Variants in MAGI2 observed in about 807,000 individuals in gnomAD.
MAGI2 encodes the protein membrane associated guanylate kinase, WW and PDZ domain containing 2.
In MAGI2, 35 loss-of-function variants were observed where a neutral mutation model predicts 133.3. The ratio of observed to expected loss-of-function variants is 0.26; its 90% CI spans 0.20 to 0.35. The LOEUF is 0.35. Ranked by LOEUF, MAGI2 falls within the 10% of genes least tolerant of loss-of-function variation. MAGI2 has a pLI of 1.00. For missense variants in MAGI2, 1,636 were observed against 1,863.4 expected, an observed-to-expected ratio of 0.88 and a Z score of 2.25; for synonymous variants, 729 against 710.6, an observed-to-expected ratio of 1.03 and a Z score of -0.41.
At chr7:78,311,010 A>T (rs1216644739) in intron 9 of MAGI2, among the ~76,000 whole-genome samples, 5 of 152,228 alleles carry the variant, frequency 3.3e-5, no homozygotes, top group African/African-American at 9.6e-5. Context: ...ATGATGACTT[A>T]CCATGTGACA....
At chr7:78,502,800 A>T (rs757092218) in intron 4 of MAGI2, among the ~76,000 whole-genome samples, 34 of 152,320 alleles carry the variant, frequency 2.2e-4, no homozygotes, top group Admixed American at 9.2e-4. Context: ...GACAGACCCA[A>T]GATCCCCAAC....
chr7:79,432,889 T>C (rs1004932696), intron 1 of MAGI2, among the ~76,000 whole-genome samples: 36 of 152,014 alleles, frequency 2.4e-4, no homozygotes, highest in African/African-American at 8.2e-4. Context: ...CATGGGGAGA[T>C]TAAGGAGAAA....
At position 78,070,174 on chromosome 7, in the gene MAGI2, C is replaced by CATATATAT. The variant is rs57714371; in HGVS notation, c.3706+8765_3706+8772dup. On this transcript the variant is annotated intron_variant, in intron 21 of 21. Coordinates refer to ENST00000354212, the MANE Select transcript of MAGI2 (RefSeq NM_012301.4). Reference sequence around the variant, plus strand: ...ACACACATATATATACACACACACACATATATATATATATATATATATATA... The same window carrying CATATATAT: ...ACACACATATATATACACACACACACATATATATATATATATATATATATATATATATA... 3.8e-3 allele frequency among the ~76,000 whole-genome samples: 212 copies of CATATATAT among 56,470 alleles called. 3 individuals are homozygous for CATATATAT. The highest frequency in any genetic ancestry group is 0.01 in the South Asian group (14 of 1,358). The allele number at this position is 56,470 out of a possible 152,430, so 37.0% of individuals were successfully genotyped here.
chr7:78,158,910 T>C (rs117731752), intron 16 of MAGI2, among the ~76,000 whole-genome samples: 19,200 of 151,984 alleles, frequency 0.13, 1,231 homozygotes, highest in East Asian at 0.17. Flanking sequence ...TTTGCAGACC[T>C]TGCACTCAGT....
rs183838456 is a variant in MAGI2, at chr7:78,478,256, T to C, written c.1045+11505A>G. The stretch of plus-strand genomic sequence containing the variant: ...GAATTATGGTTTCCAGCATCATCCA[T>C]GTCCCTGCAAAGAACATGAACTCAT... On this transcript the variant is annotated intron_variant, in intron 6 of 21. Coordinates refer to ENST00000354212, the MANE Select transcript of MAGI2 (RefSeq NM_012301.4). Among the ~76,000 whole-genome samples the C allele has an allele frequency of 3.3e-3, 507 of 152,054 alleles. 6 individuals carry two copies. The highest frequency in any genetic ancestry group is 0.011 in the African/African-American group (472 of 41,532).
At chr7:78,029,233 A>T (rs572823018) in intron 21 of MAGI2, among the ~76,000 whole-genome samples, 1 of 152,230 alleles carries the variant, frequency 6.6e-6, no homozygotes, top group East Asian at 1.9e-4. Context: ...AGGTTAGGAA[A>T]CTCAGGTCTA....
chr7:78,323,927 T>C (rs868170200), intron 9 of MAGI2, among the ~76,000 whole-genome samples: 1 of 152,160 alleles, frequency 6.6e-6, no homozygotes, highest in Non-Finnish European at 1.5e-5. Context: ...CTGGGGCATA[T>C]AGCAGGGAAA....
chr7:79,363,180 C>G (rs977133080), intron 1 of MAGI2, among the ~76,000 whole-genome samples: 4 of 151,108 alleles, frequency 2.6e-5, no homozygotes, highest in Non-Finnish European at 5.9e-5. Context: ...AAATTTAAAA[C>G]AGTACAATTT....
chr7:78,911,654 A>C (rs1416632711), intron 2 of MAGI2, among the ~76,000 whole-genome samples: 1 of 121,032 alleles, frequency 8.3e-6, no homozygotes, highest in Non-Finnish European at 1.6e-5. Context: ...AATTATAAAA[A>C]ATTATGTGTG....
At chr7:78,291,198 GAAGAA>G (rs1467317305) in intron 9 of MAGI2, among the ~76,000 whole-genome samples, 3 of 151,860 alleles carry the variant, frequency 2.0e-5, no homozygotes, top group African/African-American at 7.3e-5. Flanking sequence ...GACTAATAAA[GAAGAA>G]AAGAGAGAAG....
chr7:79,439,143 T>C (rs889637824), intron 1 of MAGI2, among the ~76,000 whole-genome samples: 1 of 152,092 alleles, frequency 6.6e-6, no homozygotes, highest in Non-Finnish European at 1.5e-5. Context: ...GGTCACACTC[T>C]TCTCTCTGCT....
chr7:78,853,193 T>C (rs1158549118), intron 2 of MAGI2, among the ~76,000 whole-genome samples: 1 of 151,832 alleles, frequency 6.6e-6, no homozygotes, highest in Admixed American at 6.6e-5. Flanking sequence ...CATTTTGTGG[T>C]TGTGAGGAAC....
At chr7:78,308,458 G>T (rs981301290) in intron 9 of MAGI2, among the ~76,000 whole-genome samples, 2 of 152,090 alleles carry the variant, frequency 1.3e-5, no homozygotes, top group Admixed American at 6.6e-5. Flanking sequence ...TTTAGTAGGG[G>T]CTTAGAGCAA....
At chr7:78,867,209 T>G (rs1584213645) in intron 2 of MAGI2, among the ~76,000 whole-genome samples, 4 of 151,354 alleles carry the variant, frequency 2.6e-5, no homozygotes, top group South Asian at 2.1e-4. Context: ...CAAAGGACTA[T>G]AAATCATGCT....
intron 6 of MAGI2, among the ~76,000 whole-genome samples, chr7:78,446,881 C>T (rs1031380637): frequency 6.6e-6 from 1 of 151,998 alleles, no homozygotes; most frequent in African/African-American, 2.4e-5. Flanking sequence ...GTTACTAAAC[C>T]CATCTAAGTT....
At chr7:79,438,560 A>G (rs1848296920) in intron 1 of MAGI2, among the ~76,000 whole-genome samples, 1 of 152,066 alleles carries the variant, frequency 6.6e-6, no homozygotes. Flanking sequence ...TTTCCCCTGT[A>G]CAGTAAATTT....
chr7:78,399,607 C>T (rs911494458), intron 6 of MAGI2, among the ~76,000 whole-genome samples: 2 of 151,996 alleles, frequency 1.3e-5, no homozygotes, highest in Non-Finnish European at 2.9e-5. Flanking sequence ...CAGTTCCAGA[C>T]CACCCTGGCC....
At chr7:79,312,624 C>CCT (rs993993796) in intron 1 of MAGI2, among the ~76,000 whole-genome samples, 8 of 151,228 alleles carry the variant, frequency 5.3e-5, no homozygotes, top group East Asian at 1.9e-4. Flanking sequence ...GTCTATAATT[C>CCT]CTCTCTCTCT....
chr7:78,129,629 T>C (rs7776618), intron 18 of MAGI2, among the ~76,000 whole-genome samples: 130,337 of 152,170 alleles, frequency 0.86, 56,221 homozygotes, highest in African/African-American at 0.91. Context: ...ATGGTGAGAA[T>C]GCACATCTCG....
Sources: gnomAD v4.1 joint callset for allele counts (sites outside exome capture counted in the v4.1 genomes callset) on GRCh38, gnomAD v4.1.1 for gene constraint, MANE v1.5 for transcripts, NCBI Gene and HGNC (gene_info 2026-07-23, HGNC 2026-07-21) for gene names.